The following DIAPH3 variants were observed in gnomAD, a reference collection of about 807,000 sequenced individuals.
DIAPH3 encodes the protein protein diaphanous homolog 3.
Under a neutral mutation model 144.3 loss-of-function variants are expected in DIAPH3, and 117 were observed. The observed-to-expected ratio is 0.81, with a 90% CI of 0.70 to 0.95. DIAPH3 has a LOEUF of 0.95. Ranked by LOEUF, DIAPH3 falls within the 40% of genes least tolerant of loss-of-function variation. The probability of loss-of-function intolerance (pLI) is 0.00; values close to 1 mark genes in which losing one functional copy is unlikely to be tolerated. For synonymous variants in DIAPH3, 519 were observed against 488.9 expected (o/e 1.06, Z -0.81); for missense variants, 1,421 against 1,412.7 (o/e 1.01, Z -0.09).
chr13:60,097,030 A>C (rs1415066755), intron 3 of DIAPH3, among the ~76,000 whole-genome samples: 4 of 152,068 alleles, frequency 2.6e-5, no homozygotes, highest in Admixed American at 1.3e-4. Flanking sequence ...TTCTCTGGAG[A>C]ACTCTGACTA....
At chr13:59,794,473 G>A (rs1328641927) in intron 25 of DIAPH3, among the ~76,000 whole-genome samples, 1 of 151,440 alleles carries the variant, frequency 6.6e-6, no homozygotes, top group Non-Finnish European at 1.5e-5. Flanking sequence ...TATTCAATAG[G>A]ATTCTTATAT....
At chr13:60,004,968 G>T (rs574248243) in intron 9 of DIAPH3, among the ~76,000 whole-genome samples, 1 of 152,070 alleles carries the variant, frequency 6.6e-6, no homozygotes, top group Non-Finnish European at 1.5e-5. Context: ...ACTACGGAAG[G>T]AAAACATTGC....
intron 3 of DIAPH3, among the ~76,000 whole-genome samples, chr13:60,096,664 A>G (rs2058113838): frequency 6.6e-6 from 1 of 152,176 alleles, no homozygotes; most frequent in South Asian, 2.1e-4. Context: ...GGATAGAACA[A>G]AAAGGCAGAA....
intron 17 of DIAPH3, among the ~76,000 whole-genome samples, chr13:59,926,286 C>A (rs1009986062): frequency 6.6e-6 from 1 of 152,098 alleles, no homozygotes; most frequent in African/African-American, 2.4e-5. Context: ...CCTCACCCAG[C>A]AATGTGTCTT....
chr13:60,075,882 C>G (rs1189210396), intron 4 of DIAPH3, among the ~76,000 whole-genome samples: 1 of 152,184 alleles, frequency 6.6e-6, no homozygotes, highest in Non-Finnish European at 1.5e-5. Flanking sequence ...AAGTGTTGAC[C>G]GTATCTTCCA....
At chr13:59,846,522 G>A (rs2042641159) in intron 22 of DIAPH3, among the ~76,000 whole-genome samples, 1 of 151,860 alleles carries the variant, frequency 6.6e-6, no homozygotes, top group Non-Finnish European at 1.5e-5. Flanking sequence ...AATAATAAAA[G>A]CATTTTATAA....
chr13:60,001,061 G>C lies in DIAPH3; in HGVS notation c.1014+7483C>G, dbSNP rs561047215. On this transcript the variant is annotated intron_variant, in intron 9 of 27. Transcript: ENST00000400324. ...TGTATTGCAAGTAAAGACATTGATG[G>C]TCTTTGATCTAGATGCTCTTCAAGG... 3.3e-5 allele frequency among the ~76,000 whole-genome samples: 5 copies of C among 152,266 alleles called. No individual in the cohort carries two copies. In the South Asian group the frequency reaches 1.0e-3, roughly 32 times the overall value.
At chr13:60,125,253 A>G (rs2058955672) in intron 2 of DIAPH3, among the ~76,000 whole-genome samples, 1 of 152,056 alleles carries the variant, frequency 6.6e-6, no homozygotes, top group Admixed American at 6.6e-5. Flanking sequence ...TCCCTCTGTC[A>G]CTCAGACTGC....
intron 27 of DIAPH3, among the ~76,000 whole-genome samples, chr13:59,688,364 G>A (rs977205839): frequency 3.3e-5 from 5 of 152,024 alleles, no homozygotes; most frequent in Middle Eastern, 3.4e-3. Flanking sequence ...TGGTAAAAGT[G>A]CACCTGAATA....
At position 59,954,443 on chromosome 13, in the gene DIAPH3, T is replaced by C. The variant is rs372558515; in HGVS notation, c.2074+15501A>G. On this transcript the variant is annotated intron_variant, in intron 17 of 27. Coordinates refer to ENST00000400324, the MANE Select transcript of DIAPH3 (RefSeq NM_001042517.2). ...AATGATAAAATTTGGGTTATTATGG[T>C]TGTAGGACATGCTTATTCATCAAGA... 2.2e-3 allele frequency among the ~76,000 whole-genome samples: 341 copies of C among 152,262 alleles called. 2 individuals are homozygous for C. The highest frequency in any genetic ancestry group is 7.5e-3 in the African/African-American group (311 of 41,558).
chr13:59,946,702 T>C (rs1285414740), intron 17 of DIAPH3, among the ~76,000 whole-genome samples: 3 of 152,220 alleles, frequency 2.0e-5, no homozygotes, highest in Non-Finnish European at 2.9e-5. Context: ...AATATTTTAA[T>C]TCAATCATAC....
At chr13:59,824,059 A>G (rs1321507937) in intron 24 of DIAPH3, among the ~76,000 whole-genome samples, 2 of 152,278 alleles carry the variant, frequency 1.3e-5, no homozygotes, top group East Asian at 1.9e-4. Flanking sequence ...TCTAGATGAA[A>G]CATAAATTTA....
intron 22 of DIAPH3, among the ~76,000 whole-genome samples, chr13:59,859,733 T>C (rs2043468826): frequency 6.6e-6 from 1 of 152,072 alleles, no homozygotes; most frequent in African/African-American, 2.4e-5. Flanking sequence ...TTTAGGAGAG[T>C]TGATTTCCCT....
chr13:60,003,604 T>C lies in DIAPH3; in HGVS notation c.1014+4940A>G, dbSNP rs887199361. On this transcript the variant is annotated intron_variant, in intron 9 of 27. Transcript: ENST00000400324. ...ATATATTTTTTATGAGATGGAGTCT[T>C]GCTCTGTCAGCCAGGCTGGAGTGCA... Among the ~76,000 whole-genome samples, 8 of 151,672 alleles carry C rather than the reference T, an allele frequency of 5.3e-5. 1 individual carries two copies. The South Asian group carries it at 1.0e-3, about 20-fold the overall frequency.
intron 1 of DIAPH3, among the ~76,000 whole-genome samples, chr13:60,154,927 G>T (rs1274676492): frequency 6.6e-6 from 1 of 152,140 alleles, no homozygotes; most frequent in Non-Finnish European, 1.5e-5. Flanking sequence ...ATACGTAGCA[G>T]TTTTTTCCTG....
chr13:60,032,548 G>C (rs912726704), intron 5 of DIAPH3, among the ~76,000 whole-genome samples: 2 of 152,212 alleles, frequency 1.3e-5, no homozygotes, highest in Admixed American at 1.3e-4. Context: ...GGCCCAAGCT[G>C]TACCAGGGCC....
At chr13:59,966,150 G>A (rs2050037957) in intron 17 of DIAPH3, among the ~76,000 whole-genome samples, 1 of 152,058 alleles carries the variant, frequency 6.6e-6, no homozygotes, top group African/African-American at 2.4e-5. Context: ...CACAGGAAAA[G>A]GATTAGAGAG....
rs185755170 is a variant in DIAPH3, at chr13:59,990,238, C to T, written c.1361+920G>A. 1.3e-4 allele frequency among the ~76,000 whole-genome samples: 20 copies of T among 151,654 alleles called. No homozygotes were observed. The East Asian group carries it at 2.7e-3, about 21-fold the overall frequency. On this transcript the variant is annotated intron_variant, in intron 12 of 27. Transcript: ENST00000400324. Reference sequence around the variant, plus strand: ...ATGTCCTATCCTCATCCTGAAAAACCTAAAGTTTTAACATTTTGGGTCTCC... The same window carrying T: ...ATGTCCTATCCTCATCCTGAAAAACTTAAAGTTTTAACATTTTGGGTCTCC...
intron 3 of DIAPH3, 147 bp from the exon 4 acceptor site, chr13:60,093,879 GGA>G (rs2058029411): frequency 1.6e-6 from 1 of 641,218 alleles, no homozygotes; most frequent in South Asian, 1.8e-5. Flanking sequence ...CCTGAAGGAA[GGA>G]GAGAGAAAAG....
Sources: allele counts gnomAD v4.1 joint callset (sites outside exome capture counted in the v4.1 genomes callset), GRCh38; gene constraint gnomAD v4.1.1; transcripts MANE v1.5; gene names NCBI Gene and HGNC (gene_info 2026-07-23, HGNC 2026-07-21).